FBH1: variants seen among roughly 807,000 people sequenced by gnomAD.
The protein encoded by FBH1 is F-box DNA helicase 1.
Under a neutral mutation model 115.5 loss-of-function variants are expected in FBH1, and 43 were observed. That is an observed-to-expected ratio of 0.37 (90% CI 0.29 to 0.48). The LOEUF is 0.48. FBH1 is among the 20% of genes least tolerant of loss of function. FBH1 has a pLI of 0.99. For missense variants in FBH1, 1,001 were observed against 1,337.3 expected, an observed-to-expected ratio of 0.75 and a Z score of 3.92; for synonymous variants, 524 against 507.8, an observed-to-expected ratio of 1.03 and a Z score of -0.43.
At position 5,937,336 on chromosome 10, in the gene FBH1, A is replaced by G. The variant is rs982089612; in HGVS notation, c.*56A>G. On this transcript the variant is annotated 3_prime_UTR_variant, in exon 21 of 21. Transcript: ENST00000362091. ...GCAGCTTGCCGAGGACCCCGCGTGA[A>G]GAAAGCCAGCGAGGGGGGCTTCTGC... The G allele has an allele frequency of 2.1e-6, 3 of 1,430,810 alleles. No homozygotes were observed. The highest frequency in any genetic ancestry group is 2.8e-6 in the Non-Finnish European group (3 of 1,085,218). 88.6% of individuals were successfully genotyped at this position (1,430,810 alleles called of 1,614,324 possible).
rs1419388322 is a variant in FBH1, at chr10:5,921,621, A to G, written c.2322+52A>G. On this transcript the variant is annotated intron_variant, in intron 15 of 20. Transcript: ENST00000362091. The surrounding 1 kb of genome is among the most constrained non-coding windows in gnomAD (Gnocchi z 6.4). ...TCATGCACAGAAACGTTGTAGACGA[A>G]CATACCCAATGGAAATGTTCACCTT... 1.9e-6 allele frequency: 3 copies of G among 1,572,682 alleles called. No homozygotes were observed. The highest frequency in any genetic ancestry group is 2.6e-6 in the Non-Finnish European group (3 of 1,169,572).
chr10:5,928,436 C>T (rs1025795733), intron 19 of FBH1: 2 of 152,282 alleles, frequency 1.3e-5, no homozygotes, highest in African/African-American at 2.4e-5. Context: ...AGGTGTGAGC[C>T]ACCTTGCTTT....
Position 5,905,968 on chromosome 10 carries a change from A to T in FBH1, c.158-69A>T, listed in dbSNP as rs1843665147. On this transcript the variant is annotated intron_variant, in intron 2 of 20. Coordinates refer to ENST00000362091, the MANE Select transcript of FBH1 (RefSeq NM_178150.3). Reference sequence around the variant, plus strand: ...AGATAATTGAAAATTAGTGTGTCTTATATGGATTAACAGCAGGTCAACAGT... The same window carrying T: ...AGATAATTGAAAATTAGTGTGTCTTTTATGGATTAACAGCAGGTCAACAGT... 3.5e-6 allele frequency: 4 copies of T among 1,129,936 alleles called. No homozygotes were observed. In the African/African-American group the frequency reaches 4.6e-5, roughly 13 times the overall value. The allele number at this position is 1,129,936 out of a possible 1,614,324, so 70.0% of individuals were successfully genotyped here. A position where few individuals can be genotyped will look rare whatever the true frequency, so the allele number is the denominator to read the frequency against.
At chr10:5,928,145 G>GT (rs1362238894) in intron 19 of FBH1, among the ~76,000 whole-genome samples, 1 of 112,856 alleles carries the variant, frequency 8.9e-6, no homozygotes, top group African/African-American at 2.7e-5. Flanking sequence ...TACTCAATTA[G>GT]TTCTTTTTTT....
intron 15 of FBH1, among the ~76,000 whole-genome samples, chr10:5,922,156 C>A (rs1832349774): frequency 6.6e-6 from 1 of 152,198 alleles, no homozygotes; most frequent in Non-Finnish European, 1.5e-5. Flanking sequence ...CAAGAGCCTA[C>A]TATGCATTAG....
At position 5,910,980 on chromosome 10, in the gene FBH1, T is replaced by A; in HGVS notation, c.1063T>A (p.Ser355Thr). ...WALVAAVVLL[S>T]SSVNDIQRLL... ...CCTGGTGGCGGCTGTGGTGCTCCTC[T>A]CCAGCAGTGTGAATGACATCCAGCG... The change falls in exon 6 of 21, where the codon TCC (serine) becomes ACC (threonine). Residue 355 changes from serine (S) to threonine (T), a missense_variant. Transcript: ENST00000362091. This position sits in a 1 kb window ranked among gnomAD's most constrained non-coding sequence, Gnocchi z 4.8. 1.9e-6 allele frequency: 3 copies of A among 1,612,136 alleles called. No homozygotes were observed. The highest frequency in any genetic ancestry group is 2.5e-6 in the Non-Finnish European group (3 of 1,179,990).
At chr10:5,926,758 A>C (rs961902682) in intron 18 of FBH1, among the ~76,000 whole-genome samples, 2 of 152,204 alleles carry the variant, frequency 1.3e-5, no homozygotes, top group East Asian at 1.9e-4. Context: ...GGGGACATGT[A>C]ATTTACATGC....
At chr10:5,926,934 C>G (rs74116614) in intron 18 of FBH1, among the ~76,000 whole-genome samples, 1,920 of 152,290 alleles carry the variant, frequency 0.013, 31 homozygotes, top group African/African-American at 0.037. Context: ...TGTGTGTCTT[C>G]CTTGTTGTCC....
intron 2 of FBH1, among the ~76,000 whole-genome samples, chr10:5,904,511 C>G (rs684557): frequency 0.83 from 125,798 of 152,124 alleles, 52,242 homozygotes; most frequent in Admixed American, 0.87. Context: ...GCCCTGACCA[C>G]GTGGTGACAT....
Position 5,915,455 on chromosome 10 carries a change from C to A in FBH1, c.1449C>A (p.Ser483Arg). 1.9e-6 allele frequency: 3 copies of A among 1,614,174 alleles called. No homozygotes were observed. The highest frequency in any genetic ancestry group is 2.2e-5 in the East Asian group (1 of 44,876). ...AGTATGCAGAGAAGTGGTCTCAGAGCAGGTTTCTGTATGTGACATTCAACA... is the reference window on the plus strand; with the variant it reads ...AGTATGCAGAGAAGTGGTCTCAGAGAAGGTTTCTGTATGTGACATTCAACA... Reference protein sequence around the residue: ...LVKYAEKWSQSRFLYVTFNKS... With the variant: ...LVKYAEKWSQRRFLYVTFNKS... The change falls in exon 9 of 21, where the codon AGC (serine) becomes AGA (arginine). Residue 483 changes from serine to arginine, a missense_variant. Transcript: ENST00000362091. The surrounding 1 kb of genome is among the most constrained non-coding windows in gnomAD (Gnocchi z 5.2).
At position 5,921,166 on chromosome 10, in the gene FBH1, G is replaced by T; in HGVS notation, c.2101-92G>T. The T allele has an allele frequency of 8.0e-7, 1 of 1,250,466 alleles. No individual in the cohort carries two copies. Among genetic ancestry groups the T allele is most frequent in the South Asian group, 1.3e-5 (1 of 76,224 alleles). 77.5% of individuals were successfully genotyped at this position (1,250,466 alleles called of 1,614,324 possible). A position where few individuals can be genotyped will look rare whatever the true frequency, so the allele number is the denominator to read the frequency against. On this transcript the variant is annotated intron_variant, in intron 13 of 20. Coordinates refer to ENST00000362091, the MANE Select transcript of FBH1 (RefSeq NM_178150.3). This position sits in a 1 kb window ranked among gnomAD's most constrained non-coding sequence, Gnocchi z 6.4. ...CGGGGGGTCAGGAACAACTTGTAGG[G>T]TCTGGCCCGGCCAGGCTGTGGCAGC...
chr10:5,906,562 C>T lies in FBH1; in HGVS notation c.683C>T (p.Pro228Leu), dbSNP rs967426542. ...EVLRHVFAFL[P>L]VEDLYWNLSL... ...CTGAGGCACGTGTTTGCCTTCCTCCCGGTGGAAGACCTCTATTGGAACCTG... is the reference window on the plus strand; with the variant it reads ...CTGAGGCACGTGTTTGCCTTCCTCCTGGTGGAAGACCTCTATTGGAACCTG... Residue 228 changes from proline to leucine, a missense_variant, in exon 3 of 21, where the codon CCG (proline) becomes CTG (leucine). Coordinates refer to ENST00000362091, the MANE Select transcript of FBH1 (RefSeq NM_178150.3). The surrounding 1 kb of genome is among the most constrained non-coding windows in gnomAD (Gnocchi z 7.3). The T allele has an allele frequency of 3.1e-6, 5 of 1,613,788 alleles. No homozygotes were observed. Among genetic ancestry groups the T allele is most frequent in the Admixed American group, 1.7e-5 (1 of 59,996 alleles).
Position 5,918,445 on chromosome 10 carries a change from A to G in FBH1, c.2067A>G (p.Thr689=), listed in dbSNP as rs746027503. Residue 689 remains threonine (T), a synonymous_variant, in exon 13 of 21, where the codon ACA becomes ACG. Coordinates refer to ENST00000362091, the MANE Select transcript of FBH1 (RefSeq NM_178150.3). The surrounding 1 kb of genome is among the most constrained non-coding windows in gnomAD (Gnocchi z 4.0). ...GGGGTGCGGTCAACGCCCTGTTCAC[A>G]GTGCCCCACACCCACGTCTTCTATC... ...TFRGAVNALF[T]VPHTHVFYLT... The G allele has an allele frequency of 6.2e-7, 1 of 1,609,046 alleles. No homozygotes were observed. The highest frequency in any genetic ancestry group is 1.7e-5 in the Admixed American group (1 of 58,168).
In FBH1 at chr10:5,906,302, T is replaced by A. The variant is rs767981499; in HGVS notation, c.423T>A (p.Asp141Glu). ...AGGCTACCGGGACCAGCCGGTGGGA[T>A]GGAGTTTCTAAGAAAGCTCCACGGC... Reference protein sequence around the residue: ...SNQATGTSRWDGVSKKAPRHH... With the variant: ...SNQATGTSRWEGVSKKAPRHH... Residue 141 changes from aspartate to glutamate, a missense_variant, in exon 3 of 21, where the codon GAT (aspartate) becomes GAA (glutamate). By Grantham distance (45) the Asp-to-Glu change is conservative. Around this residue, in one of 4 missense-constraint regions of FBH1, gnomAD observed 420 missense variants for 430.4 expected, o/e 0.98. Coordinates refer to ENST00000362091, the MANE Select transcript of FBH1 (RefSeq NM_178150.3). The surrounding 1 kb of genome is among the most constrained non-coding windows in gnomAD (Gnocchi z 7.3). 12 of 1,614,230 alleles carry A rather than the reference T, an allele frequency of 7.4e-6. No individual in the cohort carries two copies. The South Asian group carries it at 1.3e-4, about 18-fold the overall frequency.
chr10:5,894,164 G>C, intron 1 of FBH1: 1 of 985,402 alleles, frequency 1.0e-6, no homozygotes, highest in Non-Finnish European at 1.2e-6. Flanking sequence ...GAATACCTGG[G>C]AAAGGAGCTG....
rs1843680621 is a variant in FBH1, at chr10:5,906,196, A to G, written c.317A>G (p.Glu106Gly). The G allele has an allele frequency of 1.9e-6, 3 of 1,614,032 alleles. No homozygotes were observed. The highest frequency in any genetic ancestry group is 2.5e-6 in the Non-Finnish European group (3 of 1,179,894). The change falls in exon 3 of 21, where the codon GAA becomes GGA. Residue 106 changes from glutamate to glycine, a missense_variant. By Grantham distance (98) the Glu-to-Gly change is moderately conservative (BLOSUM62 -2). Around this residue, in one of 4 missense-constraint regions of FBH1, gnomAD observed 420 missense variants for 430.4 expected, o/e 0.98. Transcript: ENST00000362091. The surrounding 1 kb of genome is among the most constrained non-coding windows in gnomAD (Gnocchi z 7.3). ...PAESSCALPQEGSAGPGSPGS... is the reference protein window; with the variant it reads ...PAESSCALPQGGSAGPGSPGS... ...GAGAGCAGCTGTGCACTGCCTCAGG[A>G]AGGCAGTGCAGGGCCGGGCTCACCA...
chr10:5,936,573 C>A lies in FBH1; in HGVS notation c.2947C>A (p.Leu983Met). Reference protein sequence around the residue: ...PVDTVLTMKKLPITYSNRKEN... With the variant: ...PVDTVLTMKKMPITYSNRKEN... ...TGACACCGTCCTTACCATGAAGAAG[C>A]TGCCCATCACCTATGTACGTCTGCT... The change falls in exon 20 of 21, where the codon CTG becomes ATG. Residue 983 changes from leucine to methionine, a missense_variant. Coordinates refer to ENST00000362091, the MANE Select transcript of FBH1 (RefSeq NM_178150.3). The surrounding 1 kb of genome is among the most constrained non-coding windows in gnomAD (Gnocchi z 5.6). The A allele has an allele frequency of 1.2e-6, 2 of 1,614,152 alleles. No individual in the cohort carries two copies. The highest frequency in any genetic ancestry group is 1.7e-6 in the Non-Finnish European group (2 of 1,179,978).
Position 5,900,578 on chromosome 10 carries a change from TTCAGAG to T in FBH1, c.2-2441_2-2436del, listed in dbSNP as rs1470441079. On this transcript the variant is annotated intron_variant, in intron 1 of 20. Transcript: ENST00000362091. The surrounding 1 kb of genome is among the most constrained non-coding windows in gnomAD (Gnocchi z 4.2). ...GTAGTTAGACGATTTCCAGCGTCCT[TTCAGAG>T]GGGCTCTCAGAACTGCTTTTGTTTG... 1.3e-5 allele frequency among the ~76,000 whole-genome samples: 2 copies of T among 152,256 alleles called. No homozygotes were observed. Among genetic ancestry groups the T allele is most frequent in the African/African-American group, 2.4e-5 (1 of 41,474 alleles).
Position 5,906,578 on chromosome 10 carries a change from T to C in FBH1, c.699T>C (p.Tyr233=). ...CCTTCCTCCCGGTGGAAGACCTCTA[T>C]TGGAACCTGAGCTTGGTGTGCCACT... ...VFAFLPVEDL[Y]WNLSLVCHLW... Residue 233 remains tyrosine (Y), a synonymous_variant, in exon 3 of 21, where the codon TAT becomes TAC. Coordinates refer to ENST00000362091, the MANE Select transcript of FBH1 (RefSeq NM_178150.3). The surrounding 1 kb of genome is among the most constrained non-coding windows in gnomAD (Gnocchi z 7.3). The C allele has an allele frequency of 6.2e-7, 1 of 1,613,438 alleles. No homozygotes were observed. The highest frequency in any genetic ancestry group is 8.5e-7 in the Non-Finnish European group (1 of 1,179,938).
Sources: allele counts gnomAD v4.1 joint callset (sites outside exome capture counted in the v4.1 genomes callset), GRCh38; gene constraint gnomAD v4.1.1; regional missense constraint gnomAD v4.1.1; non-coding constraint Gnocchi (gnomAD v3.1); transcripts MANE v1.5; gene names NCBI Gene and HGNC (gene_info 2026-07-23, HGNC 2026-07-21).